Variants in PDE11A observed in about 807,000 individuals in gnomAD.
The protein encoded by PDE11A is phosphodiesterase 11A, also known as dual 3',5'-cyclic-AMP and -GMP phosphodiesterase 11A.
Under a neutral mutation model 100.5 loss-of-function variants are expected in PDE11A, and 100 were observed. The ratio of observed to expected loss-of-function variants is 1.00; its 90% CI spans 0.85 to 1.18. PDE11A has a LOEUF of 1.18. Ranked by LOEUF, PDE11A falls within the 50% of genes most tolerant of loss-of-function variation. PDE11A has a pLI of 0.00. For synonymous variants in PDE11A, 381 were observed against 420.8 expected (o/e 0.91, Z 1.16); for missense variants, 1,141 against 1,152.6 (o/e 0.99, Z 0.15).
chr2:177,769,885 CAAAAAAAAAAAA>C (rs10572990), intron 9 of PDE11A, among the ~76,000 whole-genome samples: 4 of 70,876 alleles, frequency 5.6e-5, no homozygotes, highest in Admixed American at 1.8e-4. Flanking sequence ...AAGACCCTAT[CAAAAAAAAAAAA>C]AAAAAAAAAA....
At position 177,956,958 on chromosome 2, in the gene PDE11A, G is replaced by A. The variant is rs954463968; in HGVS notation, c.1072-51771C>T. Among the ~76,000 whole-genome samples the A allele has an allele frequency of 9.8e-4, 149 of 152,128 alleles. 3 individuals carry two copies. The highest frequency in any genetic ancestry group is 5.6e-4 in the Non-Finnish European group (38 of 68,010). ...TAGAGATATACCTAATGTAAATGACGAGTTAATGGGTGCAGCACGCCAACA... is the reference window on the plus strand; with the variant it reads ...TAGAGATATACCTAATGTAAATGACAAGTTAATGGGTGCAGCACGCCAACA... On this transcript the variant is annotated intron_variant, in intron 2 of 19. Coordinates refer to ENST00000286063, the MANE Select transcript of PDE11A (RefSeq NM_016953.4).
intron 2 of PDE11A, among the ~76,000 whole-genome samples, chr2:178,080,993 A>G (rs1424009237): frequency 4.6e-5 from 7 of 152,170 alleles, no homozygotes; most frequent in Admixed American, 4.6e-4. Context: ...TATCTTTCCA[A>G]AATAAATATA....
intron 5 of PDE11A, among the ~76,000 whole-genome samples, chr2:177,857,459 A>G (rs1320227860): frequency 6.6e-6 from 1 of 152,106 alleles, no homozygotes; most frequent in Non-Finnish European, 1.5e-5. Flanking sequence ...AGACAATGGC[A>G]TAATGCAAAA....
At chr2:177,815,280 A>C (rs1158188406) in intron 9 of PDE11A, among the ~76,000 whole-genome samples, 1 of 150,802 alleles carries the variant, frequency 6.6e-6, no homozygotes, top group African/African-American at 2.5e-5. Flanking sequence ...TGATTTTACG[A>C]ATACTTATTA....
Position 178,071,642 on chromosome 2 carries a change from G to C in PDE11A, c.796C>G (p.Leu266Val). The change falls in exon 1 of 20, where the codon CTG (leucine) becomes GTG (valine). Residue 266 changes from leucine to valine, a missense_variant. Transcript: ENST00000286063. ...KFFDVHAGTPLLPCSSTENSN... is the reference protein window; with the variant it reads ...KFFDVHAGTPVLPCSSTENSN... ...TTCTCTGTGCTGCTGCAAGGCAGCA[G>C]AGGTGTTCCTGCATGCACATCAAAG... is the stretch of plus-strand genomic sequence containing the variant. 1 of 1,611,976 alleles carries C rather than the reference G, an allele frequency of 6.2e-7. No individual in the cohort carries two copies. The highest frequency in any genetic ancestry group is 8.5e-7 in the Non-Finnish European group (1 of 1,178,032).
chr2:177,681,934 A>G (rs2080871955), intron 15 of PDE11A, among the ~76,000 whole-genome samples: 1 of 152,236 alleles, frequency 6.6e-6, no homozygotes, highest in Non-Finnish European at 1.5e-5. Context: ...GGCCTTGCAA[A>G]GCTGTCTCTT....
intron 2 of PDE11A, among the ~76,000 whole-genome samples, chr2:177,942,720 T>TA (rs1274207746): frequency 2.0e-5 from 3 of 151,966 alleles, no homozygotes; most frequent in East Asian, 1.9e-4. Flanking sequence ...TTAATTGTTG[T>TA]AAAAAAAACA....
chr2:177,957,910 C>CTTTTTTTTTTT (rs748839068), intron 2 of PDE11A, among the ~76,000 whole-genome samples: 6 of 114,468 alleles, frequency 5.2e-5, no homozygotes, highest in Non-Finnish European at 6.9e-5. Flanking sequence ...TTTCCAATGC[C>CTTTTTTTTTTT]TTTTTTTTGA....
At chr2:177,926,921 A>T (rs912237282) in intron 2 of PDE11A, 3 of 152,088 alleles carry the variant, frequency 2.0e-5, no homozygotes, top group African/African-American at 7.2e-5. Flanking sequence ...AAATCTCTTC[A>T]CTGGTCTTTC....
chr2:177,745,484 G>A (rs561170823), intron 10 of PDE11A, among the ~76,000 whole-genome samples: 15 of 152,288 alleles, frequency 9.8e-5, no homozygotes, highest in African/African-American at 1.7e-4. Flanking sequence ...AGTCTAGGAC[G>A]GGACCTAGAA....
Position 177,884,533 on chromosome 2 carries a change from G to A in PDE11A, c.1303-8610C>T, listed in dbSNP as rs894703336. Among the ~76,000 whole-genome samples, 5 of 152,192 alleles carry A rather than the reference G, an allele frequency of 3.3e-5. No individual in the cohort carries two copies. In the East Asian group the frequency reaches 5.8e-4, roughly 18 times the overall value. ...AGTACATGCTTAGGCTGACCATGGG[G>A]AGGTGGGGTAGAGGTGAAGTAAAGG... On this transcript the variant is annotated intron_variant, in intron 4 of 19. Coordinates refer to ENST00000286063, the MANE Select transcript of PDE11A (RefSeq NM_016953.4).
At chr2:178,020,932 T>TGTGG (rs1210170367) in intron 1 of PDE11A, among the ~76,000 whole-genome samples, 1 of 69,040 alleles carries the variant, frequency 1.4e-5, no homozygotes, top group Non-Finnish European at 2.6e-5. Flanking sequence ...TTGGTGTGTG[T>TGTGG]GTGTGTGTGT....
rs543329540 is a variant in PDE11A at position 178,080,301 on chromosome 2, A to T, written c.162+24001T>A. ...TGGGTTTTACATTTAAGTCTTTAAA[A>T]CATCTTGGGTTAATTTTTGTATAAG... On this transcript the variant is annotated intron_variant, in intron 2 of 20. Coordinates refer to the PDE11A transcript ENST00000358450. Among the ~76,000 whole-genome samples the T allele has an allele frequency of 2.5e-3, 386 of 152,146 alleles. 4 individuals are homozygous for T. Among genetic ancestry groups the T allele is most frequent in the South Asian group, 0.022 (108 of 4,816 alleles).
At chr2:177,832,497 C>A (rs1312920195) in intron 6 of PDE11A, among the ~76,000 whole-genome samples, 1 of 152,120 alleles carries the variant, frequency 6.6e-6, no homozygotes, top group Non-Finnish European at 1.5e-5. Flanking sequence ...TCCTCAGCTT[C>A]CAGCCTATTG....
chr2:177,840,196 T>A (rs1236477561), intron 6 of PDE11A, 55 bp downstream of exon 6: 1 of 1,585,160 alleles, frequency 6.3e-7, no homozygotes, highest in African/African-American at 1.3e-5. Context: ...TTTCAACTGT[T>A]TTCAACAGTG....
intron 9 of PDE11A, among the ~76,000 whole-genome samples, chr2:177,781,562 G>T (rs1030899256): frequency 6.6e-6 from 1 of 151,738 alleles, no homozygotes; most frequent in African/African-American, 2.4e-5. Flanking sequence ...GAGTGTAGTG[G>T]CTTGATCTCA....
rs190513396 is a variant in PDE11A at position 177,633,684 on chromosome 2, T to A, written c.2647-4122A>T. ...ATACAGGTGCTTGTTTTCCACTCAA[T>A]GCATAGTGTTTTTATTTAGACAATA... On this transcript the variant is annotated intron_variant, in intron 19 of 19. Coordinates refer to ENST00000286063, the MANE Select transcript of PDE11A (RefSeq NM_016953.4). 2.7e-3 allele frequency among the ~76,000 whole-genome samples: 413 copies of A among 152,340 alleles called. 3 individuals are homozygous for A. The highest frequency in any genetic ancestry group is 7.1e-4 in the Non-Finnish European group (48 of 68,014).
chr2:177,970,540 C>T (rs1027650324), intron 2 of PDE11A, among the ~76,000 whole-genome samples: 4 of 151,808 alleles, frequency 2.6e-5, no homozygotes, highest in African/African-American at 9.7e-5. Flanking sequence ...ACTCAGGACA[C>T]AAGCAGAGGA....
At chr2:177,765,986 G>A (rs1395751450) in intron 10 of PDE11A, among the ~76,000 whole-genome samples, 1 of 152,184 alleles carries the variant, frequency 6.6e-6, no homozygotes, top group Non-Finnish European at 1.5e-5. Context: ...GGATGAATCA[G>A]TTTCTTCCCA....
Sources: gnomAD v4.1 joint callset for allele counts (sites outside exome capture counted in the v4.1 genomes callset) on GRCh38, gnomAD v4.1.1 for gene constraint, MANE v1.5 for transcripts, NCBI Gene and HGNC (gene_info 2026-07-23, HGNC 2026-07-21) for gene names.